CDC14A: variants seen among roughly 807,000 people sequenced by gnomAD.
The protein encoded by CDC14A is cell division cycle 14A, also known as dual specificity protein phosphatase CDC14A.
A neutral mutation model predicts 74.4 loss-of-function variants in CDC14A; 53 were observed. The observed-to-expected ratio is 0.71, with a 90% confidence interval of 0.57 to 0.89. CDC14A has a LOEUF of 0.89. CDC14A is among the 40% of genes least tolerant of loss of function. The pLI is 0.00. For missense variants in CDC14A, 646 were observed against 713.7 expected (o/e 0.91, Z 1.08); for synonymous variants, 247 against 258.4 (o/e 0.96, Z 0.43).
At chr1:100,495,931 G>A (rs964460615) in intron 12 of CDC14A, 71 bp from the exon 13 acceptor site, 2 of 1,241,380 alleles carry the variant, frequency 1.6e-6, no homozygotes, top group Non-Finnish European at 2.4e-6. Flanking sequence ...GATACCATTT[G>A]ATGTGCCTTG....
chr1:100,454,348 A>AG lies in CDC14A; in HGVS notation c.520-1054dup, dbSNP rs547525465. On this transcript the variant is annotated intron_variant, in intron 7 of 15. Coordinates refer to ENST00000336454, the MANE Select transcript of CDC14A (RefSeq NM_003672.4). ...CCTGAGGATGGAGACAAGGAGGGCA[A>AG]GGGTAGGGGTAGGTGGGGAGGGGGT... Among the ~76,000 whole-genome samples the AG allele has an allele frequency of 2.3e-4, 33 of 143,682 alleles. No individual in the cohort carries two copies. The East Asian group carries it at 7.8e-3, about 34-fold the overall frequency. The allele number at this position is 143,682 out of a possible 152,430, so 94.3% of individuals were successfully genotyped here. A position where few individuals can be genotyped will look rare whatever the true frequency, so the allele number is the denominator to read the frequency against.
chr1:100,420,063 CAT>C (rs1553180578), intron 4 of CDC14A, among the ~76,000 whole-genome samples: 11 of 61,602 alleles, frequency 1.8e-4, no homozygotes, highest in South Asian at 8.9e-4. Flanking sequence ...CACACACACA[CAT>C]ATATATATAT....
intron 2 of CDC14A, among the ~76,000 whole-genome samples, chr1:100,354,553 T>A (rs1357034436): frequency 6.6e-6 from 1 of 152,232 alleles, no homozygotes; most frequent in Non-Finnish European, 1.5e-5. Flanking sequence ...AGACCACTGA[T>A]CTACAGGAAA....
upstream of CDC14A, among the ~76,000 whole-genome samples, chr1:100,350,464 T>C (rs1006581847): frequency 7.9e-5 from 12 of 152,220 alleles, no homozygotes; most frequent in Non-Finnish European, 2.9e-5. Flanking sequence ...TAAGGAAAAA[T>C]AAACATTTTC....
intron 7 of CDC14A, among the ~76,000 whole-genome samples, chr1:100,450,765 G>C (rs769219977): frequency 6.6e-6 from 1 of 152,000 alleles, no homozygotes; most frequent in Non-Finnish European, 1.5e-5. Flanking sequence ...ATTCCCCATG[G>C]CTTTTTTTTC....
At chr1:100,436,963 A>AT (rs1345697467) in intron 5 of CDC14A, among the ~76,000 whole-genome samples, 3 of 152,172 alleles carry the variant, frequency 2.0e-5, no homozygotes, top group African/African-American at 7.2e-5. Flanking sequence ...AGGTGGGTGT[A>AT]TCACTTCAGC....
chr1:100,427,431 A>T (rs1352394565), intron 5 of CDC14A, among the ~76,000 whole-genome samples: 1 of 152,150 alleles, frequency 6.6e-6, no homozygotes, highest in Non-Finnish European at 1.5e-5. Context: ...TGTGAATTTA[A>T]ATAATGCTGT....
Position 100,428,159 on chromosome 1 carries a change from T to C in CDC14A, c.389+3858T>C, listed in dbSNP as rs1571164322. Among the ~76,000 whole-genome samples, 3 of 152,286 alleles carry C rather than the reference T, an allele frequency of 2.0e-5. 1 individual carries two copies. In the South Asian group the frequency reaches 6.2e-4, roughly 32 times the overall value. On this transcript the variant is annotated intron_variant, in intron 5 of 15. Transcript: ENST00000336454. ...AGTTAAAATTAACAAAAAACGAGAA[T>C]TGTGTAGCTTTAACTGCCTATTCTT...
intron 4 of CDC14A, among the ~76,000 whole-genome samples, chr1:100,401,788 C>T (rs556941538): frequency 4.5e-4 from 68 of 152,160 alleles, no homozygotes; most frequent in African/African-American, 1.5e-3. Context: ...CCTGTAATCC[C>T]AGCACTTTGG....
At chr1:100,464,988 C>T (rs1205629096) in intron 9 of CDC14A, among the ~76,000 whole-genome samples, 2 of 149,582 alleles carry the variant, frequency 1.3e-5, no homozygotes, top group South Asian at 2.1e-4. Flanking sequence ...TGCAATGGTG[C>T]GATCTCAGCT....
intron 4 of CDC14A, among the ~76,000 whole-genome samples, chr1:100,420,059 C>CATATAT (rs1324396801): frequency 1.2e-3 from 28 of 24,306 alleles, no homozygotes; most frequent in African/African-American, 4.6e-3. Flanking sequence ...CACACACACA[C>CATATAT]ACACATATAT....
At chr1:100,410,182 A>G (rs1350985272) in intron 4 of CDC14A, among the ~76,000 whole-genome samples, 1 of 151,892 alleles carries the variant, frequency 6.6e-6, no homozygotes, top group Non-Finnish European at 1.5e-5. Flanking sequence ...ACTGCACTCC[A>G]GCCTGGGTGA....
intron 14 of CDC14A, 108 bp from the exon 15 acceptor site, chr1:100,498,818 ATCT>A: frequency 1.4e-6 from 2 of 1,396,306 alleles, no homozygotes; most frequent in Non-Finnish European, 1.9e-6. Flanking sequence ...GATCAGATTC[ATCT>A]TCATCATGTT....
rs17122550 is a variant in CDC14A, at chr1:100,454,661, T to C, written c.520-744T>C. Among the ~76,000 whole-genome samples the C allele has an allele frequency of 5.8e-3, 891 of 152,308 alleles. 16 individuals carry two copies. The highest frequency in any genetic ancestry group is 0.021 in the African/African-American group (864 of 41,566). The stretch of plus-strand genomic sequence containing the variant: ...AAGTCAGCCAATGGGCATGTTTTAT[T>C]TGGTTTCACAGGAGTTAAAAACCTA... On this transcript the variant is annotated intron_variant, in intron 7 of 15. Coordinates refer to ENST00000336454, the MANE Select transcript of CDC14A (RefSeq NM_003672.4).
intron 4 of CDC14A, chr1:100,393,408 A>G: frequency 2.5e-6 from 2 of 813,602 alleles, no homozygotes; most frequent in Non-Finnish European, 2.2e-6. Context: ...CCATGCAGTA[A>G]TGCCATTTTT....
chr1:100,431,186 T>C (rs1431937830), intron 5 of CDC14A, among the ~76,000 whole-genome samples: 1 of 152,212 alleles, frequency 6.6e-6, no homozygotes, highest in East Asian at 1.9e-4. Context: ...TGTAAGTGTC[T>C]CCATGACCCA....
intron 13 of CDC14A, 46 bp from the exon 14 acceptor site, chr1:100,498,039 G>T (rs1648125182): frequency 1.3e-6 from 2 of 1,586,262 alleles, no homozygotes; most frequent in Non-Finnish European, 1.7e-6. Context: ...GAATGTTTAA[G>T]ATAAGACTAC....
At chr1:100,410,482 A>G (rs2101036184) in intron 4 of CDC14A, among the ~76,000 whole-genome samples, 2 of 150,108 alleles carry the variant, frequency 1.3e-5, no homozygotes, top group Admixed American at 1.3e-4. Flanking sequence ...CACCACGCCC[A>G]GCTAATTTTT....
rs139435292 is a variant in CDC14A, at chr1:100,459,260, A to G, written c.608-3391A>G. ...CCTGGGCAGGTTGAAGCCTGGCTCC[A>G]TTCCTTTTTGGCTGCGTGAACTTCA... On this transcript the variant is annotated intron_variant, in intron 8 of 15. Coordinates refer to ENST00000336454, the MANE Select transcript of CDC14A (RefSeq NM_003672.4). Among the ~76,000 whole-genome samples, 202 of 152,272 alleles carry G rather than the reference A, an allele frequency of 1.3e-3. 1 individual carries two copies. The highest frequency in any genetic ancestry group is 4.8e-3 in the African/African-American group (198 of 41,550).
Sources: allele counts gnomAD v4.1 joint callset (sites outside exome capture counted in the v4.1 genomes callset), GRCh38; gene constraint gnomAD v4.1.1; transcripts MANE v1.5; gene names NCBI Gene and HGNC (gene_info 2026-07-23, HGNC 2026-07-21).